The following PCED1B variants were observed in gnomAD, a reference collection of about 807,000 sequenced individuals.
PCED1B encodes PC-esterase domain-containing protein 1B.
For synonymous variants in PCED1B, 251 were observed against 246.1 expected (o/e 1.02, Z -0.19); for missense variants, 573 against 573.9 (o/e 1.00, Z 0.02).
At chr12:47,091,218 T>C (rs181019197) in intron 1 of PCED1B, among the ~76,000 whole-genome samples, 13 of 152,332 alleles carry the variant, frequency 8.5e-5, no homozygotes, top group Admixed American at 4.6e-4. Flanking sequence ...TCCATCTTTT[T>C]CATCTTAGCC....
intron 2 of PCED1B, among the ~76,000 whole-genome samples, chr12:47,143,948 C>A (rs929692216): frequency 1.3e-5 from 2 of 152,184 alleles, no homozygotes; most frequent in African/African-American, 4.8e-5. Context: ...GCAGCTCTGA[C>A]CCTACATTTC....
At chr12:47,127,035 C>A (rs1259560518) in intron 2 of PCED1B, among the ~76,000 whole-genome samples, 1 of 151,978 alleles carries the variant, frequency 6.6e-6, no homozygotes, top group Non-Finnish European at 1.5e-5. Context: ...TATTTCATTT[C>A]TTCTGCTGAT....
At chr12:47,129,617 A>C (rs1464598756) in intron 2 of PCED1B, among the ~76,000 whole-genome samples, 6 of 152,168 alleles carry the variant, frequency 3.9e-5, no homozygotes, top group African/African-American at 1.4e-4. Context: ...TAAAGAAAAA[A>C]AAGAGTGGCA....
intron 2 of PCED1B, among the ~76,000 whole-genome samples, chr12:47,185,972 C>A (rs903106449): frequency 3.9e-5 from 6 of 152,116 alleles, no homozygotes. Flanking sequence ...GTAATCCCAG[C>A]ACTTTGGGAG....
At chr12:47,146,530 A>G (rs1013635548) in intron 2 of PCED1B, among the ~76,000 whole-genome samples, 1 of 152,172 alleles carries the variant, frequency 6.6e-6, no homozygotes, top group African/African-American at 2.4e-5. Flanking sequence ...TTATTTTAAG[A>G]AATTGCCACA....
chr12:47,185,223 T>A (rs1942217044), intron 2 of PCED1B, among the ~76,000 whole-genome samples: 1 of 152,176 alleles, frequency 6.6e-6, no homozygotes, highest in Non-Finnish European at 1.5e-5. Context: ...GCAAATGTAA[T>A]TAGTTAAGAT....
chr12:47,134,090 G>A (rs1940244969), intron 2 of PCED1B, among the ~76,000 whole-genome samples: 1 of 152,186 alleles, frequency 6.6e-6, no homozygotes, highest in African/African-American at 2.4e-5. Flanking sequence ...TGGCCCAAAT[G>A]AACTAAGATA....
At chr12:47,091,599 T>G (rs953578574) in intron 1 of PCED1B, among the ~76,000 whole-genome samples, 3 of 152,172 alleles carry the variant, frequency 2.0e-5, no homozygotes, top group Non-Finnish European at 4.4e-5. Flanking sequence ...TTTCATTTGC[T>G]TATTTTCTAT....
chr12:47,233,032 G>A (rs1943857679), intron 3 of PCED1B, among the ~76,000 whole-genome samples: 1 of 151,958 alleles, frequency 6.6e-6, no homozygotes, highest in Non-Finnish European at 1.5e-5. Flanking sequence ...AACATCCTGA[G>A]CCCAAGCCAT....
At chr12:47,214,862 A>G (rs972934593) in intron 2 of PCED1B, among the ~76,000 whole-genome samples, 6 of 152,168 alleles carry the variant, frequency 3.9e-5, no homozygotes. Flanking sequence ...TCAGCTCGAA[A>G]TATGCCAAAT....
At chr12:47,162,409 C>T (rs145554731) in intron 2 of PCED1B, among the ~76,000 whole-genome samples, 63 of 151,672 alleles carry the variant, frequency 4.2e-4, no homozygotes, top group Middle Eastern at 3.4e-3. Context: ...TATAAAGAAA[C>T]GAAGTGTATT....
chr12:47,132,120 A>T (rs979233169), intron 2 of PCED1B, among the ~76,000 whole-genome samples: 2 of 152,194 alleles, frequency 1.3e-5, no homozygotes, highest in Non-Finnish European at 2.9e-5. Context: ...TGTTTTTTAA[A>T]AAAACACTAA....
At chr12:47,084,544 A>T (rs556007243) in intron 1 of PCED1B, among the ~76,000 whole-genome samples, 1 of 152,204 alleles carries the variant, frequency 6.6e-6, no homozygotes, top group Non-Finnish European at 1.5e-5. Flanking sequence ...TGGACATTTT[A>T]TATAAATGGA....
chr12:47,192,829 A>G (rs1388418435), intron 2 of PCED1B, among the ~76,000 whole-genome samples: 1 of 152,208 alleles, frequency 6.6e-6, no homozygotes, highest in Non-Finnish European at 1.5e-5. Context: ...AAGTACTATC[A>G]TTAACCCCAA....
intron 2 of PCED1B, among the ~76,000 whole-genome samples, chr12:47,183,625 G>T (rs960071709): frequency 6.6e-6 from 1 of 151,906 alleles, no homozygotes; most frequent in Admixed American, 6.6e-5. Context: ...CCCATTGAAC[G>T]GGTATTTTAC....
chr12:47,141,785 C>T (rs1001842735), intron 2 of PCED1B, among the ~76,000 whole-genome samples: 1 of 152,176 alleles, frequency 6.6e-6, no homozygotes, highest in Non-Finnish European at 1.5e-5. Context: ...CCCTTTATGT[C>T]ACTAGAGGCA....
chr12:47,185,594 G>A (rs1346375751), intron 2 of PCED1B, among the ~76,000 whole-genome samples: 1 of 151,834 alleles, frequency 6.6e-6, no homozygotes, highest in Non-Finnish European at 1.5e-5. Context: ...TTCGAGACCA[G>A]CCTGGCCAAC....
intron 2 of PCED1B, among the ~76,000 whole-genome samples, chr12:47,118,831 T>A (rs1040705154): frequency 1.8e-4 from 28 of 152,234 alleles, no homozygotes; most frequent in Non-Finnish European, 4.1e-4. Context: ...GAGCATGGAA[T>A]GTTCTTCCAT....
chr12:47,193,382 C>T (rs61647019), intron 2 of PCED1B, among the ~76,000 whole-genome samples: 4,733 of 152,142 alleles, frequency 0.031, 249 homozygotes, highest in African/African-American at 0.11. Context: ...TATAATAATT[C>T]CCTGCTCACA....
Sources: allele counts gnomAD v4.1 joint callset (sites outside exome capture counted in the v4.1 genomes callset), GRCh38; gene constraint gnomAD v4.1.1; transcripts MANE v1.5; gene names NCBI Gene and HGNC (gene_info 2026-07-23, HGNC 2026-07-21).